Variants in NPAS3 observed in about 807,000 individuals in gnomAD.
NPAS3 encodes the protein neuronal PAS domain-containing protein 3.
A neutral mutation model predicts 73.1 loss-of-function variants in NPAS3; 14 were observed. That is an observed-to-expected ratio of 0.19 (90% CI 0.13 to 0.30). NPAS3 has a LOEUF of 0.30. NPAS3 is among the 10% of genes least tolerant of loss of function. The pLI is 1.00. For missense variants in NPAS3, 1,096 were observed against 1,250.0 expected (o/e 0.88, Z 1.86); for synonymous variants, 620 against 541.5 (o/e 1.14, Z -2.01).
At chr14:33,349,176 C>T (rs868132239) in intron 3 of NPAS3, among the ~76,000 whole-genome samples, 15 of 152,106 alleles carry the variant, frequency 9.9e-5, no homozygotes, top group African/African-American at 2.9e-4. Flanking sequence ...ATAATTAGGA[C>T]GAATTCTCTG....
chr14:33,473,424 C>A (rs1331920947), intron 4 of NPAS3, among the ~76,000 whole-genome samples: 1 of 152,052 alleles, frequency 6.6e-6, no homozygotes, highest in Non-Finnish European at 1.5e-5. Flanking sequence ...ATGCGGATCA[C>A]CTAATTGGAA....
intron 4 of NPAS3, among the ~76,000 whole-genome samples, chr14:33,550,502 G>C (rs1381053575): frequency 6.6e-6 from 1 of 152,218 alleles, no homozygotes; most frequent in African/African-American, 2.4e-5. Context: ...TACTTCTCAT[G>C]TGTTACATAG....
intron 6 of NPAS3, among the ~76,000 whole-genome samples, chr14:33,690,882 A>AC (rs1742622446): frequency 6.6e-6 from 1 of 152,062 alleles, no homozygotes. Context: ...AAAAAAAAAA[A>AC]AAAAAACGAT....
At chr14:33,802,460 G>A (rs2138710138), downstream of NPAS3, 1 of 151,608 alleles carries the variant, frequency 6.6e-6, no homozygotes, top group South Asian at 2.1e-4. Context: ...TCAGTGTGGT[G>A]TCAAACACTC....
At chr14:33,731,088 G>A (rs1444811816) in intron 6 of NPAS3, among the ~76,000 whole-genome samples, 1 of 151,936 alleles carries the variant, frequency 6.6e-6, no homozygotes, top group Non-Finnish European at 1.5e-5. Context: ...GGGCTGGAGG[G>A]TTCTGACACT....
At chr14:33,360,797 A>C (rs1308058627) in intron 3 of NPAS3, among the ~76,000 whole-genome samples, 1 of 152,168 alleles carries the variant, frequency 6.6e-6, no homozygotes, top group Non-Finnish European at 1.5e-5. Context: ...TCCACTCCTC[A>C]GGACCCCTTG....
chr14:33,364,319 A>G (rs2045737834), intron 3 of NPAS3, among the ~76,000 whole-genome samples: 1 of 152,222 alleles, frequency 6.6e-6, no homozygotes, highest in African/African-American at 2.4e-5. Context: ...TTATTGTCTC[A>G]GTTCTCAAAA....
intron 4 of NPAS3, among the ~76,000 whole-genome samples, chr14:33,504,776 G>C (rs1444147391): frequency 1.3e-5 from 2 of 151,982 alleles, no homozygotes; most frequent in Non-Finnish European, 2.9e-5. Flanking sequence ...TTGAGACTTT[G>C]GGGAAGTTAC....
intron 9 of NPAS3, among the ~76,000 whole-genome samples, chr14:33,788,988 G>T (rs1285803623): frequency 8.6e-6 from 1 of 116,714 alleles, no homozygotes; most frequent in African/African-American, 3.3e-5. Context: ...GGGGTGGGGG[G>T]CGGGCAGGGG....
chr14:33,435,118 T>TCATCAAACA (rs777828778), intron 4 of NPAS3, among the ~76,000 whole-genome samples: 1 of 152,206 alleles, frequency 6.6e-6, no homozygotes, highest in Non-Finnish European at 1.5e-5. Flanking sequence ...TTGTTTCTAC[T>TCATCAAACA]CATCAAACAC....
chr14:33,371,763 G>T (rs2046100030), intron 4 of NPAS3, among the ~76,000 whole-genome samples: 1 of 152,112 alleles, frequency 6.6e-6, no homozygotes, highest in Non-Finnish European at 1.5e-5. Context: ...GCCTAGTCTG[G>T]ATGGATTTCA....
intron 3 of NPAS3, among the ~76,000 whole-genome samples, chr14:33,284,981 T>C (rs568714671): frequency 6.6e-6 from 1 of 152,324 alleles, no homozygotes; most frequent in East Asian, 1.9e-4. Context: ...GTGTGCACTT[T>C]GGAAACGTCC....
rs535995808 is a variant in NPAS3, at chr14:33,393,270, A to G, written c.468+26002A>G. 2.6e-5 allele frequency among the ~76,000 whole-genome samples: 4 copies of G among 152,246 alleles called. No homozygotes were observed. The East Asian group carries it at 7.7e-4, about 29-fold the overall frequency. ...ATATTTGTTAAGCTGTGGTCACCGT[A>G]TTTGCTGATAGTTTTTTATAAGGTG... is the stretch of plus-strand genomic sequence containing the variant. On this transcript the variant is annotated intron_variant, in intron 4 of 11. Coordinates refer to ENST00000356141, the Ensembl canonical transcript of NPAS3.
At chr14:33,775,986 GAA>G (rs1163587350) in intron 8 of NPAS3, among the ~76,000 whole-genome samples, 1 of 152,212 alleles carries the variant, frequency 6.6e-6, no homozygotes, top group African/African-American at 2.4e-5. Flanking sequence ...AGCTAAGAGA[GAA>G]ACGTTGACTG....
chr14:33,534,427 C>A (rs1181758474), intron 4 of NPAS3, among the ~76,000 whole-genome samples: 1 of 151,906 alleles, frequency 6.6e-6, no homozygotes, highest in Non-Finnish European at 1.5e-5. Context: ...TGGCCAAATC[C>A]CTTGAATGAC....
Position 33,538,565 on chromosome 14 carries a change from G to T in NPAS3, c.469-21556G>T, listed in dbSNP as rs183798630. Reference sequence around the variant, plus strand: ...CCCAAGTTATCTAATATTAAAATCTGCTGTTGCAAAAAGACTTGTCACCTA... The same window carrying T: ...CCCAAGTTATCTAATATTAAAATCTTCTGTTGCAAAAAGACTTGTCACCTA... On this transcript the variant is annotated intron_variant, in intron 4 of 11. Transcript: ENST00000356141. 5.7e-4 allele frequency among the ~76,000 whole-genome samples: 87 copies of T among 152,284 alleles called. 1 individual carries two copies. In the South Asian group the frequency reaches 1.0e-2, roughly 17 times the overall value.
intron 4 of NPAS3, among the ~76,000 whole-genome samples, chr14:33,553,013 C>T (rs114768259): frequency 6.6e-6 from 1 of 152,192 alleles, no homozygotes; most frequent in Non-Finnish European, 1.5e-5. Flanking sequence ...GCAAAAGGAG[C>T]CTGTGCTCAC....
intron 4 of NPAS3, among the ~76,000 whole-genome samples, chr14:33,450,415 C>T (rs1378323629): frequency 6.6e-6 from 1 of 152,142 alleles, no homozygotes; most frequent in African/African-American, 2.4e-5. Flanking sequence ...AATCCATAAT[C>T]GTAGCACCTA....
At chr14:33,152,728 T>G (rs528583432) in intron 2 of NPAS3, among the ~76,000 whole-genome samples, 1 of 152,260 alleles carries the variant, frequency 6.6e-6, no homozygotes, top group East Asian at 1.9e-4. Context: ...TTCTGATGAT[T>G]GTTTACATGT....
Sources: gnomAD v4.1 joint callset for allele counts (sites outside exome capture counted in the v4.1 genomes callset) on GRCh38, gnomAD v4.1.1 for gene constraint, MANE v1.5 for transcripts, NCBI Gene and HGNC (gene_info 2026-07-23, HGNC 2026-07-21) for gene names.